The following TRIM9 variants were observed in gnomAD, a reference collection of about 807,000 sequenced individuals.
TRIM9 encodes tripartite motif containing 9.
A neutral mutation model predicts 78.3 loss-of-function variants in TRIM9; 26 were observed. The observed-to-expected ratio is 0.33, with a 90% CI of 0.24 to 0.46. The LOEUF is 0.46. Ranked by LOEUF, TRIM9 falls within the 20% of genes least tolerant of loss-of-function variation. The pLI, the probability that TRIM9 is intolerant of heterozygous loss-of-function variation, is 1.00. For synonymous variants in TRIM9, 398 were observed against 416.5 expected (o/e 0.96, Z 0.54); for missense variants, 787 against 1,036.4 (o/e 0.76, Z 3.30).
chr14:50,979,951 G>C (rs189438943), intron 11 of TRIM9, among the ~76,000 whole-genome samples: 14 of 152,300 alleles, frequency 9.2e-5, no homozygotes, highest in African/African-American at 3.1e-4. Flanking sequence ...GGCTATCAGA[G>C]CTCTGACTCT....
At chr14:51,076,610 GA>G in intron 1 of TRIM9, among the ~76,000 whole-genome samples, 1 of 152,336 alleles carries the variant, frequency 6.6e-6, no homozygotes, top group Non-Finnish European at 1.5e-5. Flanking sequence ...GATCTAGTCA[GA>G]AATTACTAGC....
At chr14:50,989,939 G>T (rs201669235) in intron 7 of TRIM9, among the ~76,000 whole-genome samples, 2 of 152,178 alleles carry the variant, frequency 1.3e-5, no homozygotes, top group East Asian at 3.8e-4. Context: ...AGCAAAGATT[G>T]GCTGGGGACC....
chr14:51,061,543 A>AT (rs2061353259), intron 1 of TRIM9, among the ~76,000 whole-genome samples: 1 of 151,606 alleles, frequency 6.6e-6, no homozygotes, highest in Admixed American at 6.6e-5. Flanking sequence ...AATTTCTTTA[A>AT]TTTTTTGTGG....
At position 50,977,244 on chromosome 14, in the gene TRIM9, C is replaced by A. The variant is rs781511407; in HGVS notation, c.*47G>T. On this transcript the variant is annotated 3_prime_UTR_variant, in exon 13 of 13. Coordinates refer to ENST00000684578, the MANE Select transcript of TRIM9 (RefSeq NM_001387360.1). The stretch of plus-strand genomic sequence containing the variant: ...TGGCTGAGCTCCTTGCTGTGGCTCT[C>A]GCAGGCGGAGGTAAGAACAGGCAGC... 7.2e-7 allele frequency: 1 copy of A among 1,397,538 alleles called. No individual in the cohort carries two copies. Among genetic ancestry groups the A allele is most frequent in the South Asian group, 1.8e-5 (1 of 57,140 alleles). 86.6% of individuals were successfully genotyped at this position (1,397,538 alleles called of 1,614,324 possible).
At chr14:51,076,110 C>T (rs576819412) in intron 1 of TRIM9, among the ~76,000 whole-genome samples, 1 of 152,180 alleles carries the variant, frequency 6.6e-6, no homozygotes, top group African/African-American at 2.4e-5. Context: ...ATTGATCCTG[C>T]TCTATAACTA....
At chr14:51,081,642 G>C (rs1290807412) in intron 1 of TRIM9, among the ~76,000 whole-genome samples, 1 of 152,190 alleles carries the variant, frequency 6.6e-6, no homozygotes, top group East Asian at 1.9e-4. Context: ...CAGTTGCCAA[G>C]TCCTGGGTCC....
intron 1 of TRIM9, among the ~76,000 whole-genome samples, chr14:51,035,612 C>T (rs78326232): frequency 0.079 from 12,087 of 152,172 alleles, 581 homozygotes; most frequent in Middle Eastern, 0.13. Context: ...CAAAGGAGAA[C>T]GCTATACCAC....
intron 1 of TRIM9, among the ~76,000 whole-genome samples, chr14:51,071,831 A>T (rs945852219): frequency 1.3e-5 from 2 of 152,150 alleles, no homozygotes; most frequent in African/African-American, 2.4e-5. Flanking sequence ...AATAATTTTT[A>T]AAAAAGAATT....
chr14:51,073,094 T>C (rs2062442022), intron 1 of TRIM9, among the ~76,000 whole-genome samples: 1 of 152,190 alleles, frequency 6.6e-6, no homozygotes. Flanking sequence ...ACATGCTTAA[T>C]ACCATTAGTT....
intron 1 of TRIM9, among the ~76,000 whole-genome samples, chr14:51,081,991 T>C (rs1336148287): frequency 1.3e-4 from 20 of 152,210 alleles, no homozygotes; most frequent in Admixed American, 1.2e-3. Flanking sequence ...CAGAGGTCAG[T>C]GGGTGGCACT....
chr14:50,975,958 G>A lies in TRIM9; in HGVS notation c.*1333C>T, dbSNP rs1352152282. On this transcript the variant is annotated 3_prime_UTR_variant, in exon 13 of 13. Transcript: ENST00000684578. ...TGTTTGGACTACTCCAGAAAATTAG[G>A]CTGTGAATGGCAGCAGAGTGGATGG... The A allele has an allele frequency of 6.6e-6, 1 of 152,576 alleles. No individual in the cohort carries two copies. The highest frequency in any genetic ancestry group is 1.5e-5 in the Non-Finnish European group (1 of 68,046). 9.5% of individuals were successfully genotyped at this position (152,576 alleles called of 1,614,324 possible).
intron 7 of TRIM9, among the ~76,000 whole-genome samples, chr14:50,994,769 A>G (rs1469576911): frequency 1.3e-5 from 2 of 152,262 alleles, no homozygotes; most frequent in Non-Finnish European, 2.9e-5. Flanking sequence ...TGGCACAGCC[A>G]TGATGGCTAT....
intron 1 of TRIM9, among the ~76,000 whole-genome samples, chr14:51,053,595 A>ATTTTTTTTTTTTT (rs59227932): frequency 3.6e-5 from 3 of 82,206 alleles, no homozygotes; most frequent in East Asian, 3.5e-4. Flanking sequence ...TTTTTTTTTA[A>ATTTTTTTTTTTTT]TTTTTTTTTT....
At chr14:51,035,402 G>C (rs2059055191) in intron 1 of TRIM9, among the ~76,000 whole-genome samples, 1 of 152,176 alleles carries the variant, frequency 6.6e-6, no homozygotes, top group South Asian at 2.1e-4. Context: ...GTCTCTGAAA[G>C]AGTGCAGTCA....
intron 1 of TRIM9, among the ~76,000 whole-genome samples, chr14:51,065,815 C>A (rs1482335280): frequency 6.6e-6 from 1 of 151,966 alleles, no homozygotes; most frequent in African/African-American, 2.4e-5. Context: ...AGCTGCTATG[C>A]CCTTCAGAGT....
intron 1 of TRIM9, among the ~76,000 whole-genome samples, chr14:51,027,411 T>C (rs1032654294): frequency 6.6e-6 from 1 of 152,184 alleles, no homozygotes; most frequent in Non-Finnish European, 1.5e-5. Flanking sequence ...CCCAAAGTGC[T>C]GGGATTACAG....
chr14:51,003,827 G>A (rs998912824), intron 5 of TRIM9, among the ~76,000 whole-genome samples: 11 of 152,060 alleles, frequency 7.2e-5, no homozygotes, highest in Admixed American at 1.3e-4. Flanking sequence ...TTAGTTTTCC[G>A]TTTTCCTTAT....
At chr14:51,066,525 A>G (rs2061753524) in intron 1 of TRIM9, among the ~76,000 whole-genome samples, 1 of 152,060 alleles carries the variant, frequency 6.6e-6, no homozygotes, top group African/African-American at 2.4e-5. Context: ...ACTTGGCTCA[A>G]CCTCTATACT....
At chr14:51,018,477 C>T (rs10483604) in intron 3 of TRIM9, among the ~76,000 whole-genome samples, 32,345 of 152,002 alleles carry the variant, frequency 0.21, 3,805 homozygotes, top group Non-Finnish European at 0.27. Flanking sequence ...ATATCCGTAA[C>T]GTAAATTTGT....
Sources: allele counts gnomAD v4.1 joint callset (sites outside exome capture counted in the v4.1 genomes callset), GRCh38; gene constraint gnomAD v4.1.1; transcripts MANE v1.5; gene names NCBI Gene and HGNC (gene_info 2026-07-23, HGNC 2026-07-21).